Variants in DEPDC1B observed in about 807,000 individuals in gnomAD.
DEPDC1B encodes DEP domain containing 1B, also known as DEP domain-containing protein 1B.
DEPDC1B carries 51 observed loss-of-function variants against 66.5 expected under a neutral mutation model. The observed-to-expected ratio is 0.77, with a 90% CI of 0.61 to 0.97. The LOEUF (loss-of-function observed/expected upper bound fraction) is 0.97, where lower values mean the gene tolerates loss of function less well. Among genes scored for constraint, DEPDC1B ranks in the 50% least tolerant of loss-of-function variants. The pLI is 0.00. For synonymous variants in DEPDC1B, 226 were observed against 223.6 expected (o/e 1.01, Z -0.10); for missense variants, 552 against 637.1 (o/e 0.87, Z 1.44).
At chr5:60,694,693 C>T (rs1194859001) in intron 1 of DEPDC1B, among the ~76,000 whole-genome samples, 1 of 152,060 alleles carries the variant, frequency 6.6e-6, no homozygotes, top group South Asian at 2.1e-4. Flanking sequence ...TGGGTTATCT[C>T]TTTTTTAAAA....
At chr5:60,680,181 TG>T (rs1194545087) in intron 2 of DEPDC1B, among the ~76,000 whole-genome samples, 4 of 152,238 alleles carry the variant, frequency 2.6e-5, no homozygotes, top group Non-Finnish European at 5.9e-5. Flanking sequence ...CAACAGCACC[TG>T]GTTCAACCAT....
At chr5:60,598,737 A>G (rs1752144501) in intron 10 of DEPDC1B, among the ~76,000 whole-genome samples, 1 of 152,188 alleles carries the variant, frequency 6.6e-6, no homozygotes, top group Non-Finnish European at 1.5e-5. Flanking sequence ...TGAAAACATG[A>G]AAAGAAATCC....
chr5:60,675,757 G>A (rs1754141068), intron 2 of DEPDC1B, among the ~76,000 whole-genome samples: 2 of 151,964 alleles, frequency 1.3e-5, no homozygotes, highest in African/African-American at 2.4e-5. Context: ...AGGCAATATC[G>A]CTTTCACCAG....
intron 2 of DEPDC1B, among the ~76,000 whole-genome samples, chr5:60,675,146 G>A (rs1754125615): frequency 6.6e-6 from 1 of 152,164 alleles, no homozygotes; most frequent in Non-Finnish European, 1.5e-5. Context: ...GGGGTAGGAA[G>A]CAGGAGTGTC....
At chr5:60,600,726 T>C (rs1375012202) in intron 9 of DEPDC1B, among the ~76,000 whole-genome samples, 1 of 152,228 alleles carries the variant, frequency 6.6e-6, no homozygotes, top group Non-Finnish European at 1.5e-5. Context: ...TTAATCACCA[T>C]AGCTCAGCCT....
intron 2 of DEPDC1B, among the ~76,000 whole-genome samples, chr5:60,671,966 A>T (rs909216467): frequency 2.0e-5 from 3 of 152,208 alleles, no homozygotes; most frequent in Non-Finnish European, 4.4e-5. Context: ...GCTTTATTAG[A>T]TGTAAAGTCT....
At chr5:60,618,077 T>C (rs529678352) in intron 7 of DEPDC1B, among the ~76,000 whole-genome samples, 1 of 152,198 alleles carries the variant, frequency 6.6e-6, no homozygotes, top group African/African-American at 2.4e-5. Flanking sequence ...ATAAAGATAT[T>C]CTTTGAAACC....
intron 7 of DEPDC1B, among the ~76,000 whole-genome samples, chr5:60,614,400 C>T (rs1487450859): frequency 2.6e-5 from 4 of 152,110 alleles, no homozygotes; most frequent in African/African-American, 9.7e-5. Context: ...CAGGGTCTTG[C>T]TTTATTGCCT....
intron 2 of DEPDC1B, among the ~76,000 whole-genome samples, chr5:60,686,441 A>G (rs1413102926): frequency 6.6e-6 from 1 of 152,232 alleles, no homozygotes; most frequent in African/African-American, 2.4e-5. Flanking sequence ...AAGTGTCCAC[A>G]TGATAAAATA....
rs780033145 is a variant in DEPDC1B at position 60,687,027 on chromosome 5, G to GT, written c.248dup (p.His83GlnfsTer4). 1 of 1,614,034 alleles carries GT rather than the reference G, an allele frequency of 6.2e-7. No individual in the cohort carries two copies. Among genetic ancestry groups the GT allele is most frequent in the Non-Finnish European group, 8.5e-7 (1 of 1,180,046 alleles). On this transcript the variant is annotated frameshift_variant, in exon 2 of 11. Transcript: ENST00000265036. LOFTEE classifies it high-confidence loss of function. ...ATTTTCCCTTGATGTCTTCAATAAC[G>GT]TGATTCTTCAGGAATTTTTTTAGCA...
At chr5:60,640,592 G>T (rs527540381) in intron 6 of DEPDC1B, among the ~76,000 whole-genome samples, 14 of 152,246 alleles carry the variant, frequency 9.2e-5, no homozygotes, top group African/African-American at 3.1e-4. Flanking sequence ...CATGCGCAAA[G>T]AAGAAAAACA....
rs548208313 is a variant in DEPDC1B at position 60,700,099 on chromosome 5, G to A, written c.-6C>T. On this transcript the variant is annotated 5_prime_UTR_variant, in exon 1 of 11. It adds an upstream start codon to the 5' untranslated region. Coordinates refer to ENST00000265036, the MANE Select transcript of DEPDC1B (RefSeq NM_018369.3). ...CCCACGATGCGATGCTCCATGGCGC[G>A]TAGGCAGCAGCGGCCGCAGCCGCGC... is the stretch of plus-strand genomic sequence containing the variant. 3.9e-6 allele frequency: 6 copies of A among 1,550,324 alleles called. No individual in the cohort carries two copies. The highest frequency in any genetic ancestry group is 1.9e-4 in the Middle Eastern group (1 of 5,324).
At chr5:60,677,322 ACACACTCTCTCTCTCTCT>A (rs1257733209) in intron 2 of DEPDC1B, among the ~76,000 whole-genome samples, 2 of 99,612 alleles carry the variant, frequency 2.0e-5, no homozygotes, top group African/African-American at 1.2e-4. Flanking sequence ...ACACACACAC[ACACACTCTCTCTCTCTCT>A]CTCTCTCTCT....
In DEPDC1B at chr5:60,597,850, A is replaced by G. The variant is rs776342890; in HGVS notation, c.1493T>C (p.Leu498Pro). 7 of 1,613,398 alleles carry G rather than the reference A, an allele frequency of 4.3e-6. No individual in the cohort carries two copies. The highest frequency in any genetic ancestry group is 2.2e-5 in the East Asian group (1 of 44,858). ...RFPTPESAAL[L>P]FPEKPKPKPQ... Reference sequence around the variant, plus strand: ...TTTCGGTTTGGGTTTTTCAGGAAACAGAAGTGCTGCACTTTCTGGTGTAGG... The same window carrying G: ...TTTCGGTTTGGGTTTTTCAGGAAACGGAAGTGCTGCACTTTCTGGTGTAGG... Residue 498 changes from leucine to proline, a missense_variant, in exon 11 of 11, where the codon CTG (leucine) becomes CCG (proline). By Grantham distance (98) the Leu-to-Pro change is moderately conservative. Transcript: ENST00000265036.
intron 7 of DEPDC1B, among the ~76,000 whole-genome samples, chr5:60,632,656 G>A (rs191258026): frequency 6.6e-6 from 1 of 152,232 alleles, no homozygotes; most frequent in Non-Finnish European, 1.5e-5. Flanking sequence ...CATGGCCTCC[G>A]AAGTGCTCAG....
At chr5:60,661,466 G>A (rs939588915) in intron 2 of DEPDC1B, among the ~76,000 whole-genome samples, 3 of 152,140 alleles carry the variant, frequency 2.0e-5, no homozygotes, top group Non-Finnish European at 2.9e-5. Context: ...GACGGGAAAC[G>A]TTCCCCTCAA....
At chr5:60,640,586 C>T (rs1287810377) in intron 6 of DEPDC1B, among the ~76,000 whole-genome samples, 5 of 152,010 alleles carry the variant, frequency 3.3e-5, no homozygotes, top group African/African-American at 1.2e-4. Context: ...CCTGGACATG[C>T]GCAAAGAAGA....
At chr5:60,644,722 C>G in intron 5 of DEPDC1B, 23 bp downstream of exon 5, 1 of 1,569,930 alleles carries the variant, frequency 6.4e-7, no homozygotes, top group Non-Finnish European at 8.6e-7. Flanking sequence ...CAATAAGTAA[C>G]AAAATTATAT....
At chr5:60,662,755 C>T (rs1465801867) in intron 2 of DEPDC1B, among the ~76,000 whole-genome samples, 1 of 152,146 alleles carries the variant, frequency 6.6e-6, no homozygotes, top group Non-Finnish European at 1.5e-5. Context: ...GAGTCAGAAG[C>T]CACTAACCAG....
Sources: allele counts gnomAD v4.1 joint callset (sites outside exome capture counted in the v4.1 genomes callset), GRCh38; gene constraint gnomAD v4.1.1; transcripts MANE v1.5; gene names NCBI Gene and HGNC (gene_info 2026-07-23, HGNC 2026-07-21).